GPR84: variants seen among roughly 807,000 people sequenced by gnomAD.
GPR84 encodes the protein G protein-coupled receptor 84, also known as G-protein coupled receptor 84.
GPR84 carries 8 observed loss-of-function variants against 14.9 expected under a neutral mutation model. The observed-to-expected ratio is 0.54, with a 90% confidence interval of 0.31 to 0.97. GPR84 has a LOEUF of 0.97. GPR84 is among the 50% of genes least tolerant of loss of function. GPR84 has a pLI of 0.04. For synonymous variants in GPR84, 164 were observed against 198.1 expected, an observed-to-expected ratio of 0.83 and a Z score of 1.45; for missense variants, 424 against 498.7, an observed-to-expected ratio of 0.85 and a Z score of 1.43.
chr12:54,362,757 G>A lies in GPR84; in HGVS notation c.1095C>T (p.Ile365=), dbSNP rs753763538. 8 of 1,614,082 alleles carry A rather than the reference G, an allele frequency of 5.0e-6. No individual in the cohort carries two copies. In the East Asian group the frequency reaches 1.6e-4, roughly 31 times the overall value. Residue 365 remains isoleucine (I), a synonymous_variant, in exon 2 of 2, where the codon ATC becomes ATT. Transcript: ENST00000267015. This position sits in a 1 kb window ranked among gnomAD's most constrained non-coding sequence, Gnocchi z 4.0. ...TCATGGCTGCATAGAGCACAGGGTT[G>A]ATGCAACCATTGAGCCAGGTGAGGT... ...AANLTWLNGC[I]NPVLYAAMNR... is the part of the protein sequence containing the mutation.
At chr12:54,361,285 G>A (rs1467067089), downstream of GPR84, among the ~76,000 whole-genome samples, 3 of 152,064 alleles carry the variant, frequency 2.0e-5, no homozygotes, top group Non-Finnish European at 2.9e-5. This position sits in a 1 kb window ranked among gnomAD's most constrained non-coding sequence, Gnocchi z 4.3. Context: ...GGGTTCAAGC[G>A]ATTCTCCCGT....
the GPR84 span, among the ~76,000 whole-genome samples, chr12:54,356,919 A>T: frequency 4.6e-5 from 7 of 152,144 alleles, no homozygotes; most frequent in African/African-American, 1.7e-4. Flanking sequence ...AATTGGGTGG[A>T]GGGGGGTGGT....
At chr12:54,359,503 G>T (rs540739360), downstream of GPR84, among the ~76,000 whole-genome samples, 1 of 152,094 alleles carries the variant, frequency 6.6e-6, no homozygotes, top group Non-Finnish European at 1.5e-5. Context: ...TACAGGAGAT[G>T]AAGACAGCCT....
the GPR84 span, among the ~76,000 whole-genome samples, chr12:54,354,079 T>C: frequency 1.3e-5 from 2 of 152,034 alleles, no homozygotes; most frequent in African/African-American, 2.4e-5. Flanking sequence ...CTTCTCTCTT[T>C]AGTGTTTGTC....
At chr12:54,350,823 G>T in the GPR84 span, 7 of 436,518 alleles carry the variant, frequency 1.6e-5, no homozygotes, top group Admixed American at 7.0e-5. Flanking sequence ...TGACATTTTT[G>T]TAAATTCTGT....
Position 54,363,009 on chromosome 12 carries a change from C to T in GPR84, c.843G>A (p.Lys281=), listed in dbSNP as rs1291065728. Reference sequence around the variant, plus strand: ...TTTTCTCTGCCATCTGCTTAGCTCTCTTGCTGTTGATCTGGTCTCCCACTT... The same window carrying T: ...TTTTCTCTGCCATCTGCTTAGCTCTTTTGCTGTTGATCTGGTCTCCCACTT... ...SSEVGDQINS[K]RAKQMAEKSP... Residue 281 remains lysine (K), a synonymous_variant, in exon 2 of 2, where the codon AAG becomes AAA. Transcript: ENST00000267015. 1.2e-6 allele frequency: 2 copies of T among 1,614,078 alleles called. No individual in the cohort carries two copies. Among genetic ancestry groups the T allele is most frequent in the Non-Finnish European group, 1.7e-6 (2 of 1,180,038 alleles).
At chr12:54,358,373 G>A (rs977644176), downstream of GPR84, among the ~76,000 whole-genome samples, 14 of 152,098 alleles carry the variant, frequency 9.2e-5, no homozygotes, top group Non-Finnish European at 1.8e-4. Context: ...CCGTTGGGGA[G>A]TAGTCTTCTC....
chr12:54,354,338 A>AACTC, the GPR84 span, among the ~76,000 whole-genome samples: 4 of 151,836 alleles, frequency 2.6e-5, no homozygotes, highest in Admixed American at 1.3e-4. Context: ...GCTGGTCTTG[A>AACTC]ACTCCTGGGC....
rs1954289649 is a variant in GPR84, at chr12:54,363,193, G to T, written c.659C>A (p.Ala220Glu). 1 of 1,614,068 alleles carries T rather than the reference G, an allele frequency of 6.2e-7. No individual in the cohort carries two copies. Among genetic ancestry groups the T allele is most frequent in the African/African-American group, 1.3e-5 (1 of 74,942 alleles). The part of the protein sequence containing the change: ...QALDQYKLRQ[A>E]SIHSNHVART... ...GGCCACATGGTTGGAGTGGATGCTT[G>T]CCTGTCGCAACTTGTATTGGTCCAG... is the stretch of plus-strand genomic sequence containing the variant. The change falls in exon 2 of 2, where the codon GCA becomes GAA. Residue 220 changes from alanine to glutamate, a missense_variant. By Grantham distance (107) the Ala-to-Glu change is moderately radical. Coordinates refer to ENST00000267015, the MANE Select transcript of GPR84 (RefSeq NM_020370.3).
At chr12:54,360,641 T>C (rs1347466539), downstream of GPR84, among the ~76,000 whole-genome samples, 1 of 152,152 alleles carries the variant, frequency 6.6e-6, no homozygotes, top group Non-Finnish European at 1.5e-5. Context: ...CCTAGAAGTG[T>C]GTTGCATGTG....
downstream of GPR84, among the ~76,000 whole-genome samples, chr12:54,359,632 GA>G (rs1954249454): frequency 6.6e-6 from 1 of 152,058 alleles, no homozygotes. Flanking sequence ...GACAAAGAGA[GA>G]CAGACAGTGA....
Position 54,362,581 on chromosome 12 carries a change from A to AT in GPR84, c.*79dup. 1 of 841,660 alleles carries AT rather than the reference A, an allele frequency of 1.2e-6. No homozygotes were observed. Among genetic ancestry groups the AT allele is most frequent in the Non-Finnish European group, 1.9e-6 (1 of 519,790 alleles). 52.1% of individuals were successfully genotyped at this position (841,660 alleles called of 1,614,324 possible). A position where few individuals can be genotyped will look rare whatever the true frequency, so the allele number is the denominator to read the frequency against. ...TGTTGTGAAAATGCCCACATGTGTTATTTCACCTATTCTCCTATTACCTGG... is the reference window on the plus strand; with the variant it reads ...TGTTGTGAAAATGCCCACATGTGTTATTTTCACCTATTCTCCTATTACCTGG... On this transcript the variant is annotated 3_prime_UTR_variant, in exon 2 of 2. Coordinates refer to ENST00000267015, the MANE Select transcript of GPR84 (RefSeq NM_020370.3). The surrounding 1 kb of genome is among the most constrained non-coding windows in gnomAD (Gnocchi z 4.0).
downstream of GPR84, among the ~76,000 whole-genome samples, chr12:54,360,352 G>A (rs1954256293): frequency 8.2e-6 from 1 of 121,716 alleles, no homozygotes; most frequent in Non-Finnish European, 2.0e-5. Context: ...CTGGGCACGT[G>A]TTAAGAGTGT....
At position 54,362,717 on chromosome 12, in the gene GPR84, G is replaced by C. The variant is rs777079154; in HGVS notation, c.1135C>G (p.Gln379Glu). 1.2e-6 allele frequency: 2 copies of C among 1,613,950 alleles called. No individual in the cohort carries two copies. The highest frequency in any genetic ancestry group is 1.7e-6 in the Non-Finnish European group (2 of 1,179,832). ...LYAAMNRQFRQAYGSILKRGP... is the reference protein window; with the variant it reads ...LYAAMNRQFREAYGSILKRGP... Reference sequence around the variant, plus strand: ...CTTTTTAAAATGGAGCCATATGCTTGGCGGAATTGGCGGTTCATGGCTGCA... The same window carrying C: ...CTTTTTAAAATGGAGCCATATGCTTCGCGGAATTGGCGGTTCATGGCTGCA... The change falls in exon 2 of 2, where the codon CAA (glutamine) becomes GAA (glutamate). Residue 379 changes from glutamine (Q) to glutamate (E), a missense_variant. Gln to Glu is a conservative substitution (Grantham distance 29). Coordinates refer to ENST00000267015, the MANE Select transcript of GPR84 (RefSeq NM_020370.3). The surrounding 1 kb of genome is among the most constrained non-coding windows in gnomAD (Gnocchi z 4.0).
downstream of GPR84, among the ~76,000 whole-genome samples, chr12:54,361,989 T>G (rs1450452564): frequency 6.6e-6 from 1 of 152,246 alleles, no homozygotes; most frequent in Admixed American, 6.5e-5. This position sits in a 1 kb window ranked among gnomAD's most constrained non-coding sequence, Gnocchi z 4.3. Context: ...GACCATTCCC[T>G]TCGCACAGAG....
chr12:54,352,384 T>A, the GPR84 span, among the ~76,000 whole-genome samples: 2 of 152,176 alleles, frequency 1.3e-5, no homozygotes, highest in African/African-American at 4.8e-5. Flanking sequence ...GTGGCTGGGC[T>A]GGCGCAGCGC....
downstream of GPR84, among the ~76,000 whole-genome samples, chr12:54,361,328 C>T (rs1954266534): frequency 1.3e-5 from 2 of 151,228 alleles, no homozygotes; most frequent in South Asian, 2.1e-4. The surrounding 1 kb of genome is among the most constrained non-coding windows in gnomAD (Gnocchi z 4.3). Context: ...ATTACAGGCA[C>T]CCGCCATCAT....
At chr12:54,357,610 G>A (rs1954223927), downstream of GPR84, among the ~76,000 whole-genome samples, 1 of 152,184 alleles carries the variant, frequency 6.6e-6, no homozygotes, top group African/African-American at 2.4e-5. Flanking sequence ...GGGCAGGTTG[G>A]AGGCCAAGAC....
At chr12:54,353,563 C>T in the GPR84 span, 1 of 152,748 alleles carries the variant, frequency 6.5e-6, no homozygotes, top group African/African-American at 2.4e-5. Context: ...CTCTCCCTCT[C>T]CCTCCCCCTG....
Sources: gnomAD v4.1 joint callset for allele counts (sites outside exome capture counted in the v4.1 genomes callset) on GRCh38, gnomAD v4.1.1 for gene constraint, Gnocchi (gnomAD v3.1) non-coding constraint, MANE v1.5 for transcripts, NCBI Gene and HGNC (gene_info 2026-07-23, HGNC 2026-07-21) for gene names.